SOCS2: variants seen among roughly 807,000 people sequenced by gnomAD.
The protein encoded by SOCS2 is suppressor of cytokine signaling 2.
SOCS2 carries 10 observed loss-of-function variants against 18.6 expected under a neutral mutation model. The ratio of observed to expected loss-of-function variants is 0.54; its 90% CI spans 0.33 to 0.91. SOCS2 has a LOEUF of 0.91. Among genes scored for constraint, SOCS2 ranks in the 40% least tolerant of loss-of-function variants. The pLI, the probability that SOCS2 is intolerant of heterozygous loss-of-function variation, is 0.02. For synonymous variants in SOCS2, 104 were observed against 104.0 expected (o/e 1.00, Z 0.00); for missense variants, 231 against 247.2 (o/e 0.93, Z 0.44).
chr12:93,605,180 G>GCCA, the SOCS2 span, among the ~76,000 whole-genome samples: 1 of 152,040 alleles, frequency 6.6e-6, no homozygotes, highest in South Asian at 2.1e-4. Context: ...AATTACCAAT[G>GCCA]CCACCACCAC....
At chr12:93,611,722 C>T in the SOCS2 span, among the ~76,000 whole-genome samples, 1 of 152,190 alleles carries the variant, frequency 6.6e-6, no homozygotes, top group Non-Finnish European at 1.5e-5. Flanking sequence ...ACAATTTATC[C>T]AATTTCTGCA....
At chr12:93,616,140 G>T in the SOCS2 span, among the ~76,000 whole-genome samples, 2 of 152,192 alleles carry the variant, frequency 1.3e-5, no homozygotes, top group South Asian at 4.1e-4. Flanking sequence ...TGAGAACTAG[G>T]CCTCTTCAAT....
At chr12:93,603,784 A>G in the SOCS2 span, among the ~76,000 whole-genome samples, 1 of 152,302 alleles carries the variant, frequency 6.6e-6, no homozygotes, top group African/African-American at 2.4e-5. Flanking sequence ...AAAATGGCCA[A>G]TAAAACCATC....
At chr12:93,600,783 A>G in the SOCS2 span, among the ~76,000 whole-genome samples, 1 of 147,942 alleles carries the variant, frequency 6.8e-6, no homozygotes, top group African/African-American at 2.5e-5. Flanking sequence ...TTTATTATTT[A>G]TTATTTTCAT....
chr12:93,608,079 C>T, the SOCS2 span, among the ~76,000 whole-genome samples: 1 of 149,752 alleles, frequency 6.7e-6, no homozygotes, highest in Non-Finnish European at 1.5e-5. Context: ...TAACTCGCTG[C>T]AGCCTTGATC....
chr12:93,609,839 A>G, the SOCS2 span, among the ~76,000 whole-genome samples: 13 of 152,180 alleles, frequency 8.5e-5, no homozygotes, highest in Non-Finnish European at 4.4e-5. Flanking sequence ...AAGAAAAGAA[A>G]TTTATTTCTC....
the SOCS2 span, among the ~76,000 whole-genome samples, chr12:93,604,579 C>T: frequency 1.6e-4 from 25 of 152,274 alleles, no homozygotes; most frequent in African/African-American, 4.8e-4. Context: ...GACTTACATT[C>T]GTAAAGTGTT....
chr12:93,571,959 G>A, upstream of SOCS2: 1 of 330,654 alleles, frequency 3.0e-6, no homozygotes, highest in Non-Finnish European at 6.1e-6. Context: ...CAGCGCTCGC[G>A]ACCGCCCGCT....
chr12:93,572,400 G>T (rs542158146), upstream of SOCS2: 54 of 331,190 alleles, frequency 1.6e-4, no homozygotes, highest in Admixed American at 1.1e-3. This position sits in a 1 kb window ranked among gnomAD's most constrained non-coding sequence, Gnocchi z 5.0. Flanking sequence ...TTCCTAGGTC[G>T]CCAGTCTTTG....
the SOCS2 span, among the ~76,000 whole-genome samples, chr12:93,604,630 A>G: frequency 1.0e-3 from 158 of 152,158 alleles, no homozygotes; most frequent in African/African-American, 3.7e-3. Context: ...GAATTTTTGC[A>G]TGTTGGGTTT....
chr12:93,614,416 T>TTC, the SOCS2 span, among the ~76,000 whole-genome samples: 6 of 112,134 alleles, frequency 5.4e-5, no homozygotes, highest in African/African-American at 2.1e-4. Flanking sequence ...TTTCTTTCTT[T>TTC]CTTCCTTTCT....
At chr12:93,616,839 G>C in the SOCS2 span, among the ~76,000 whole-genome samples, 1 of 152,190 alleles carries the variant, frequency 6.6e-6, no homozygotes, top group East Asian at 1.9e-4. Flanking sequence ...AGATGGGGAA[G>C]TACATGTGAC....
At position 93,576,540 on chromosome 12, in the gene SOCS2, A is replaced by G. The variant is rs988790392; in HGVS notation, c.*1361A>G. 5.9e-5 allele frequency: 9 copies of G among 152,232 alleles called. No individual in the cohort carries two copies. The highest frequency in any genetic ancestry group is 1.9e-4 in the African/African-American group (8 of 41,458). 9.4% of individuals were successfully genotyped at this position (152,232 alleles called of 1,614,324 possible). On this transcript the variant is annotated 3_prime_UTR_variant, in exon 2 of 2. Coordinates refer to ENST00000551556, the MANE Select transcript of SOCS2 (RefSeq NM_001270471.2). Reference sequence around the variant, plus strand: ...TAGGCATAATACTAAAGAAAAATACAAAGTTTTGTGGCCACTTATTTTTTG... The same window carrying G: ...TAGGCATAATACTAAAGAAAAATACGAAGTTTTGTGGCCACTTATTTTTTG...
chr12:93,614,384 T>A, the SOCS2 span, among the ~76,000 whole-genome samples: 1 of 137,302 alleles, frequency 7.3e-6, no homozygotes, highest in African/African-American at 2.9e-5. Context: ...TTTCTTTCTT[T>A]CTTTCTTTCT....
downstream of SOCS2, among the ~76,000 whole-genome samples, chr12:93,586,241 T>G (rs1042055727): frequency 1.3e-5 from 2 of 152,226 alleles, no homozygotes; most frequent in Admixed American, 1.3e-4. Flanking sequence ...TAAATCTGTC[T>G]TTTCTCCAGT....
At chr12:93,599,599 C>T in the SOCS2 span, among the ~76,000 whole-genome samples, 9 of 152,316 alleles carry the variant, frequency 5.9e-5, no homozygotes, top group Admixed American at 3.9e-4. Context: ...ATGTATCCCC[C>T]AGAGTTAATC....
chr12:93,606,684 G>A, the SOCS2 span, among the ~76,000 whole-genome samples: 1 of 151,960 alleles, frequency 6.6e-6, no homozygotes, highest in Non-Finnish European at 1.5e-5. Flanking sequence ...ACAGGGTCTC[G>A]CTCTGTCACC....
the SOCS2 span, among the ~76,000 whole-genome samples, chr12:93,605,385 C>T: frequency 2.0e-5 from 3 of 152,206 alleles, no homozygotes; most frequent in African/African-American, 7.2e-5. Context: ...TACTTAACCA[C>T]TCCTGAAGGG....
chr12:93,593,358 A>G, the SOCS2 span, among the ~76,000 whole-genome samples: 4 of 152,234 alleles, frequency 2.6e-5, no homozygotes, highest in Admixed American at 6.5e-5. Flanking sequence ...TTTTATGGTT[A>G]GAGAAGGAGG....
Sources: gnomAD v4.1 joint callset for allele counts (sites outside exome capture counted in the v4.1 genomes callset) on GRCh38, gnomAD v4.1.1 for gene constraint, Gnocchi (gnomAD v3.1) non-coding constraint, MANE v1.5 for transcripts, NCBI Gene and HGNC (gene_info 2026-07-23, HGNC 2026-07-21) for gene names.